Variants in PARD6G observed in about 807,000 individuals in gnomAD.
The protein encoded by PARD6G is par-6 family cell polarity regulator gamma, also known as partitioning defective 6 homolog gamma.
A neutral mutation model predicts 10.7 loss-of-function variants in PARD6G; 7 were observed. That is an observed-to-expected ratio of 0.66 (90% CI 0.37 to 1.23). The LOEUF is 1.23. Ranked by LOEUF, PARD6G falls within the 50% of genes most tolerant of loss-of-function variation. The probability of loss-of-function intolerance (pLI) is 0.02; values close to 1 mark genes in which losing one functional copy is unlikely to be tolerated. For synonymous variants in PARD6G, 287 were observed against 269.4 expected (o/e 1.07, Z -0.64); for missense variants, 548 against 571.8 (o/e 0.96, Z 0.42).
rs1321679556 is a variant in PARD6G at position 80,228,177 on chromosome 18, A to G, written c.72+19100T>C. Among the ~76,000 whole-genome samples, 1 of 152,120 alleles carries G rather than the reference A, an allele frequency of 6.6e-6. No homozygotes were observed. Among genetic ancestry groups the G allele is most frequent in the African/African-American group, 2.4e-5 (1 of 41,412 alleles). On this transcript the variant is annotated intron_variant, in intron 1 of 2. Coordinates refer to ENST00000353265, the MANE Select transcript of PARD6G (RefSeq NM_032510.4). This position sits in a 1 kb window ranked among gnomAD's most constrained non-coding sequence, Gnocchi z 4.6. The stretch of plus-strand genomic sequence containing the variant: ...CTGAGGAGTGGTTTCAAGGCCTCTG[A>G]GCACAGCTGGAAAAGGGCCCGACCT...
At chr18:80,220,797 G>C (rs546089326) in intron 1 of PARD6G, among the ~76,000 whole-genome samples, 1 of 152,094 alleles carries the variant, frequency 6.6e-6, no homozygotes, top group Non-Finnish European at 1.5e-5. Context: ...TTTTAGTAGA[G>C]ATGGAGTTTC....
rs529238668 is a variant in PARD6G, at chr18:80,180,612, G to A, written c.296-20006C>T. Among the ~76,000 whole-genome samples, 324 of 152,114 alleles carry A rather than the reference G, an allele frequency of 2.1e-3. No homozygotes were observed. Among genetic ancestry groups the A allele is most frequent in the Non-Finnish European group, 4.2e-3 (283 of 68,024 alleles). ...CAAGCTTAACTGTCTCTATGGCACC[G>A]CAAATGGCAGGGCTGCTCCCCACTC... On this transcript the variant is annotated intron_variant, in intron 2 of 2. Transcript: ENST00000353265. The surrounding 1 kb of genome is among the most constrained non-coding windows in gnomAD (Gnocchi z 5.6).
intron 1 of PARD6G, among the ~76,000 whole-genome samples, chr18:80,232,422 T>G (rs1411453157): frequency 6.6e-6 from 1 of 152,190 alleles, no homozygotes; most frequent in African/African-American, 2.4e-5. Context: ...GAGGTTTAAT[T>G]GGACTTACAG....
rs2052730647 is a variant in PARD6G, at chr18:80,165,621, ATCT to A, written c.296-5018_296-5016del. On this transcript the variant is annotated intron_variant, in intron 2 of 2. Transcript: ENST00000353265. ...TTGGGAACTGATAAATGTCCATGAAATCTTCACAATTTATGTTCCTCTGCTGTG... is the reference window on the plus strand; with the variant it reads ...TTGGGAACTGATAAATGTCCATGAAATCACAATTTATGTTCCTCTGCTGTG... Among the ~76,000 whole-genome samples, 3 of 152,326 alleles carry A rather than the reference ATCT, an allele frequency of 2.0e-5. No homozygotes were observed. The South Asian group carries it at 6.2e-4, about 32-fold the overall frequency.
chr18:80,160,634 A>G (rs1439688163), intron 2 of PARD6G, 28 bp from the exon 3 acceptor site: 1 of 1,432,256 alleles, frequency 7.0e-7, no homozygotes, highest in East Asian at 2.6e-5. Context: ...GTTAGAGGGG[A>G]CACACAACCG....
chr18:80,195,572 T>TATATATATATATAC (rs894731117), intron 2 of PARD6G, among the ~76,000 whole-genome samples: 28 of 87,330 alleles, frequency 3.2e-4, no homozygotes, highest in African/African-American at 8.3e-4. Context: ...TATATATATA[T>TATATATATATATAC]ACACACATTT....
At chr18:80,224,763 C>T (rs1164870395) in intron 1 of PARD6G, among the ~76,000 whole-genome samples, 9 of 151,968 alleles carry the variant, frequency 5.9e-5, no homozygotes, top group African/African-American at 1.9e-4. Context: ...AGGAGAATGG[C>T]GTGAACCTGG....
At chr18:80,177,025 GCA>G (rs111315126) in intron 2 of PARD6G, among the ~76,000 whole-genome samples, 1,595 of 137,174 alleles carry the variant, frequency 0.012, 26 homozygotes, top group African/African-American at 0.036. Flanking sequence ...GCGCGCGCGT[GCA>G]CACACACACA....
intron 1 of PARD6G, among the ~76,000 whole-genome samples, chr18:80,215,821 C>CA (rs980261228): frequency 1.2e-4 from 18 of 152,054 alleles, no homozygotes; most frequent in African/African-American, 4.3e-4. Context: ...CAGAGATTGG[C>CA]AAAATGGATT....
intron 2 of PARD6G, among the ~76,000 whole-genome samples, chr18:80,174,250 G>A (rs1291654861): frequency 6.6e-6 from 1 of 152,136 alleles, no homozygotes; most frequent in Non-Finnish European, 1.5e-5. Flanking sequence ...CACCTCCTCA[G>A]GAAAGTCCCA....
chr18:80,199,102 C>T (rs752785169), intron 2 of PARD6G, among the ~76,000 whole-genome samples: 5 of 152,164 alleles, frequency 3.3e-5, no homozygotes, highest in East Asian at 1.9e-4. Flanking sequence ...ATTCTTGTCA[C>T]GTGTAGTAGT....
chr18:80,241,828 G>A (rs1161610440), intron 1 of PARD6G, among the ~76,000 whole-genome samples: 1 of 152,136 alleles, frequency 6.6e-6, no homozygotes, highest in African/African-American at 2.4e-5. Context: ...CTGCTGTCAT[G>A]CCAGGCTCCC....
intron 2 of PARD6G, chr18:80,171,608 C>G (rs1309349413): frequency 5.3e-5 from 8 of 152,268 alleles, no homozygotes; most frequent in Non-Finnish European, 8.8e-5. Flanking sequence ...TTCCATCACC[C>G]TAAAAGAAAA....
intron 1 of PARD6G, among the ~76,000 whole-genome samples, chr18:80,224,208 T>C (rs140035739): frequency 9.8e-5 from 15 of 152,332 alleles, no homozygotes; most frequent in Non-Finnish European, 1.9e-4. Flanking sequence ...GGATAACTCA[T>C]CACCATTAAC....
At chr18:80,233,536 A>G (rs527609931) in intron 1 of PARD6G, among the ~76,000 whole-genome samples, 4 of 152,308 alleles carry the variant, frequency 2.6e-5, no homozygotes, top group Non-Finnish European at 4.4e-5. Flanking sequence ...AGACACCAGC[A>G]AGGCATGAGG....
intron 2 of PARD6G, 54 bp downstream of exon 2, chr18:80,202,656 A>AT: frequency 1.3e-6 from 2 of 1,512,286 alleles, no homozygotes; most frequent in Non-Finnish European, 1.8e-6. Flanking sequence ...TGAAAACTGT[A>AT]TTTTAAAAAT....
intron 2 of PARD6G, among the ~76,000 whole-genome samples, chr18:80,177,218 G>GCA (rs35217634): frequency 0.084 from 8,256 of 98,758 alleles, 539 homozygotes; most frequent in Middle Eastern, 0.14. Flanking sequence ...AATGGGAAGC[G>GCA]CACACACACA....
At position 80,160,175 on chromosome 18, in the gene PARD6G, GGTT is replaced by G; in HGVS notation, c.724_726del (p.Asn242del). 1 of 1,613,362 alleles carries G rather than the reference GGTT, an allele frequency of 6.2e-7. No homozygotes were observed. Among genetic ancestry groups the G allele is most frequent in the Non-Finnish European group, 8.5e-7 (1 of 1,179,806 alleles). On this transcript the variant is annotated inframe_deletion, in exon 3 of 3. Coordinates refer to ENST00000353265, the MANE Select transcript of PARD6G (RefSeq NM_032510.4). ...TTGGCGGGCTTGACGGTGACGATGAGGTTGTGGCTGTTGGCGATCATCATGTCC... is the reference window on the plus strand; with the variant it reads ...TTGGCGGGCTTGACGGTGACGATGAGGTGGCTGTTGGCGATCATCATGTCC...
At chr18:80,171,962 G>A (rs951497996) in intron 2 of PARD6G, among the ~76,000 whole-genome samples, 5 of 152,326 alleles carry the variant, frequency 3.3e-5, no homozygotes, top group African/African-American at 4.8e-5. Context: ...GAACGATAGC[G>A]TGTTTCTCTT....
Sources: gnomAD v4.1 joint callset for allele counts (sites outside exome capture counted in the v4.1 genomes callset) on GRCh38, gnomAD v4.1.1 for gene constraint, Gnocchi (gnomAD v3.1) non-coding constraint, MANE v1.5 for transcripts, NCBI Gene and HGNC (gene_info 2026-07-23, HGNC 2026-07-21) for gene names.